Variants in CACNA2D3 observed in about 807,000 individuals in gnomAD.
The protein encoded by CACNA2D3 is voltage-dependent calcium channel subunit alpha-2/delta-3.
In CACNA2D3, 60 loss-of-function variants were observed where a neutral mutation model predicts 160.6. That is an observed-to-expected ratio of 0.37 (90% confidence interval 0.30 to 0.46). The LOEUF (loss-of-function observed/expected upper bound fraction) is 0.46, where lower values mean the gene tolerates loss of function less well. Ranked by LOEUF, CACNA2D3 falls within the 20% of genes least tolerant of loss-of-function variation. The pLI is 1.00. For synonymous variants in CACNA2D3, 558 were observed against 492.9 expected, an observed-to-expected ratio of 1.13 and a Z score of -1.75; for missense variants, 1,205 against 1,365.0, an observed-to-expected ratio of 0.88 and a Z score of 1.85.
At chr3:55,055,757 T>C (rs1005034649) in intron 35 of CACNA2D3, among the ~76,000 whole-genome samples, 3 of 152,160 alleles carry the variant, frequency 2.0e-5, no homozygotes, top group Non-Finnish European at 4.4e-5. Context: ...TACAGGTCTT[T>C]GACCTCCTTG....
chr3:54,416,324 C>T (rs915607413), intron 4 of CACNA2D3, among the ~76,000 whole-genome samples: 1 of 152,208 alleles, frequency 6.6e-6, no homozygotes, highest in African/African-American at 2.4e-5. Context: ...TGCTCTGCTC[C>T]TGTCTCATTC....
chr3:54,974,071 A>G (rs761568054), intron 29 of CACNA2D3, among the ~76,000 whole-genome samples: 1 of 152,182 alleles, frequency 6.6e-6, no homozygotes, highest in Non-Finnish European at 1.5e-5. Context: ...AACAAAAGGC[A>G]TCCTTCCAAA....
At chr3:54,277,995 A>G (rs146114451) in intron 2 of CACNA2D3, among the ~76,000 whole-genome samples, 210 of 152,346 alleles carry the variant, frequency 1.4e-3, no homozygotes, top group African/African-American at 4.6e-3. Context: ...GACAAATGGG[A>G]TCTAATTAAA....
chr3:54,674,473 C>G lies in CACNA2D3; in HGVS notation c.1167+32232C>G, dbSNP rs72870676. Among the ~76,000 whole-genome samples the G allele has an allele frequency of 2.0e-5, 3 of 152,066 alleles. No individual in the cohort carries two copies. In the East Asian group the frequency reaches 5.8e-4, roughly 29 times the overall value. On this transcript the variant is annotated intron_variant, in intron 11 of 37. Transcript: ENST00000474759. ...GAGCAGGGAAAAGTAGAAGGATGAC[C>G]GGCAGTGGGGAGGAGCCCCTGGAGA...
At chr3:54,833,152 T>G (rs1163684098) in intron 14 of CACNA2D3, among the ~76,000 whole-genome samples, 2 of 152,232 alleles carry the variant, frequency 1.3e-5, no homozygotes, top group Non-Finnish European at 2.9e-5. Context: ...ATGTTCAGTA[T>G]TATTATTCAT....
At chr3:54,326,717 A>G (rs1321798838) in intron 3 of CACNA2D3, among the ~76,000 whole-genome samples, 4 of 152,232 alleles carry the variant, frequency 2.6e-5, no homozygotes, top group Non-Finnish European at 5.9e-5. Flanking sequence ...CAGTGCCAGG[A>G]TCACTTTAAG....
At chr3:54,293,577 A>C (rs992734325) in intron 2 of CACNA2D3, among the ~76,000 whole-genome samples, 1 of 149,716 alleles carries the variant, frequency 6.7e-6, no homozygotes, top group Non-Finnish European at 1.5e-5. Context: ...ATATATATAT[A>C]TCAATATATC....
chr3:54,524,474 A>G lies in CACNA2D3; in HGVS notation c.544+20820A>G, dbSNP rs1701694059. Among the ~76,000 whole-genome samples, 4 of 151,490 alleles carry G rather than the reference A, an allele frequency of 2.6e-5. No homozygotes were observed. In the South Asian group the frequency reaches 8.4e-4, roughly 32 times the overall value. The stretch of plus-strand genomic sequence containing the variant: ...TGCACGTGAGAAGAATGTGTAATGT[A>G]TTGTTGGGTGGTGTCTGTTGCGTCT... On this transcript the variant is annotated intron_variant, in intron 5 of 37. Transcript: ENST00000474759.
chr3:54,256,809 G>C (rs1391707189), intron 2 of CACNA2D3, among the ~76,000 whole-genome samples: 1 of 149,904 alleles, frequency 6.7e-6, no homozygotes, highest in African/African-American at 2.4e-5. Flanking sequence ...AAAATGAGCT[G>C]TCTTCTTTCC....
rs139802173 is a variant in CACNA2D3, at chr3:54,786,775, A to G, written c.1380+22424A>G. On this transcript the variant is annotated intron_variant, in intron 13 of 37. Transcript: ENST00000474759. ...CCATGGTTAAAAAAACACACAACTGATTTTACATATGGAATGTTGAAACTG... is the reference window on the plus strand; with the variant it reads ...CCATGGTTAAAAAAACACACAACTGGTTTTACATATGGAATGTTGAAACTG... 2.7e-4 allele frequency among the ~76,000 whole-genome samples: 41 copies of G among 152,282 alleles called. 1 individual carries two copies. The East Asian group carries it at 7.0e-3, about 26-fold the overall frequency.
chr3:54,320,808 G>A (rs1703971261), intron 3 of CACNA2D3, among the ~76,000 whole-genome samples: 1 of 152,174 alleles, frequency 6.6e-6, no homozygotes, highest in Non-Finnish European at 1.5e-5. Context: ...GCCACTAATT[G>A]TACAGCCATA....
chr3:54,905,407 G>A (rs1175014147), intron 27 of CACNA2D3, among the ~76,000 whole-genome samples: 1 of 152,168 alleles, frequency 6.6e-6, no homozygotes, highest in Admixed American at 6.5e-5. Flanking sequence ...GGTGAATAAT[G>A]CTGGCAAAAT....
At chr3:54,549,425 G>C (rs1439798423) in intron 5 of CACNA2D3, among the ~76,000 whole-genome samples, 1 of 152,162 alleles carries the variant, frequency 6.6e-6, no homozygotes, top group South Asian at 2.1e-4. Flanking sequence ...TGGCCTGGGC[G>C]AAAGAGCGAG....
intron 5 of CACNA2D3, among the ~76,000 whole-genome samples, chr3:54,522,763 T>G (rs1701664292): frequency 6.6e-6 from 1 of 152,116 alleles, no homozygotes; most frequent in South Asian, 2.1e-4. Context: ...CAAACCACTA[T>G]TTTGATAATG....
intron 11 of CACNA2D3, among the ~76,000 whole-genome samples, chr3:54,688,467 G>T (rs2106927961): frequency 6.6e-6 from 1 of 152,126 alleles, no homozygotes. Flanking sequence ...ACAAATGAAG[G>T]AGGGAAGGAA....
At chr3:54,880,142 A>T (rs1032027045) in intron 20 of CACNA2D3, among the ~76,000 whole-genome samples, 1 of 152,242 alleles carries the variant, frequency 6.6e-6, no homozygotes, top group African/African-American at 2.4e-5. Flanking sequence ...GGTGGATTCC[A>T]TGTGGAACCA....
chr3:54,707,101 G>C (rs933874770), intron 11 of CACNA2D3, among the ~76,000 whole-genome samples: 4 of 152,206 alleles, frequency 2.6e-5, no homozygotes, highest in Admixed American at 2.0e-4. Context: ...AGTGAAAGAA[G>C]GCAAGAGCCA....
At chr3:54,333,824 G>T (rs1426951132) in intron 3 of CACNA2D3, among the ~76,000 whole-genome samples, 1 of 152,228 alleles carries the variant, frequency 6.6e-6, no homozygotes, top group Non-Finnish European at 1.5e-5. Flanking sequence ...AGGGAACCTC[G>T]TAGGAGCCAG....
chr3:55,070,397 G>C (rs1023963232), intron 35 of CACNA2D3, among the ~76,000 whole-genome samples: 5 of 152,142 alleles, frequency 3.3e-5, no homozygotes, highest in Non-Finnish European at 4.4e-5. Context: ...ACAGAGAAAT[G>C]GGGTGGTTGC....
Sources: allele counts gnomAD v4.1 joint callset (sites outside exome capture counted in the v4.1 genomes callset), GRCh38; gene constraint gnomAD v4.1.1; transcripts MANE v1.5; gene names NCBI Gene and HGNC (gene_info 2026-07-23, HGNC 2026-07-21).